The following VPS13B variants were observed in gnomAD, a reference collection of about 807,000 sequenced individuals.
VPS13B encodes the protein intermembrane lipid transfer protein VPS13B.
VPS13B carries 285 observed loss-of-function variants against 426.4 expected under a neutral mutation model. The ratio of observed to expected loss-of-function variants is 0.67; its 90% CI spans 0.61 to 0.74. VPS13B has a LOEUF of 0.74. Among genes scored for constraint, VPS13B ranks in the 30% least tolerant of loss-of-function variants. VPS13B has a pLI of 0.00. For synonymous variants in VPS13B, 1,676 were observed against 1,676.4 expected, an observed-to-expected ratio of 1.00 and a Z score of 0.01; for missense variants, 4,537 against 4,782.6, an observed-to-expected ratio of 0.95 and a Z score of 1.51.
chr8:99,682,678 CTG>C (rs1015360107), intron 35 of VPS13B, among the ~76,000 whole-genome samples: 28 of 152,328 alleles, frequency 1.8e-4, no homozygotes, highest in Admixed American at 1.7e-3. Flanking sequence ...GTGGTGGCCA[CTG>C]TGCTGAGTCA....
At chr8:99,672,571 A>G (rs1364513613) in intron 35 of VPS13B, among the ~76,000 whole-genome samples, 1 of 152,126 alleles carries the variant, frequency 6.6e-6, no homozygotes, top group Non-Finnish European at 1.5e-5. Flanking sequence ...AAAACCTTAA[A>G]TGTTATAAGG....
At chr8:99,297,378 A>G (rs1337173419) in intron 19 of VPS13B, among the ~76,000 whole-genome samples, 2 of 150,642 alleles carry the variant, frequency 1.3e-5, no homozygotes, top group Admixed American at 6.6e-5. Context: ...TTGTAATCAC[A>G]TTTGTAACTT....
chr8:99,739,845 A>G (rs1199115696), intron 39 of VPS13B, among the ~76,000 whole-genome samples: 1 of 152,194 alleles, frequency 6.6e-6, no homozygotes, highest in Non-Finnish European at 1.5e-5. Context: ...CAAAGACCAA[A>G]GGTAGATAAA....
At chr8:99,733,113 A>G (rs188509879) in intron 39 of VPS13B, among the ~76,000 whole-genome samples, 1 of 152,348 alleles carries the variant, frequency 6.6e-6, no homozygotes, top group Non-Finnish European at 1.5e-5. Context: ...AGAATAGTAA[A>G]TATGAATTGA....
chr8:99,284,234 TTG>T (rs1819315506), intron 19 of VPS13B, among the ~76,000 whole-genome samples: 1 of 152,188 alleles, frequency 6.6e-6, no homozygotes, highest in Non-Finnish European at 1.5e-5. Context: ...TGAAATTACT[TTG>T]TGTTAGTTGA....
At chr8:99,270,074 C>A (rs1320726847) in intron 17 of VPS13B, among the ~76,000 whole-genome samples, 1 of 130,608 alleles carries the variant, frequency 7.7e-6, no homozygotes, top group Non-Finnish European at 1.6e-5. Context: ...AAACTGTATT[C>A]TTGATTGTAG....
At chr8:99,508,719 T>A (rs1045818991) in intron 28 of VPS13B, among the ~76,000 whole-genome samples, 8 of 152,122 alleles carry the variant, frequency 5.3e-5, no homozygotes, top group Non-Finnish European at 7.4e-5. Flanking sequence ...TTATCGTTAA[T>A]GTTCTTCAGA....
At chr8:99,306,643 T>G (rs1365187626) in intron 19 of VPS13B, among the ~76,000 whole-genome samples, 2 of 152,128 alleles carry the variant, frequency 1.3e-5, no homozygotes, top group African/African-American at 4.8e-5. Context: ...TCTGTGCTAT[T>G]GGTGGAACAA....
chr8:99,412,503 A>G (rs112143090), intron 21 of VPS13B, among the ~76,000 whole-genome samples: 1 of 152,318 alleles, frequency 6.6e-6, no homozygotes. Flanking sequence ...ATATACAATC[A>G]TGTCATCTGC....
chr8:99,764,067 A>G (rs1811080049), intron 39 of VPS13B, among the ~76,000 whole-genome samples: 1 of 152,140 alleles, frequency 6.6e-6, no homozygotes, highest in African/African-American at 2.4e-5. Context: ...TTGAGATCCC[A>G]TTTTGTCCTC....
intron 1 of VPS13B, 146 bp downstream of exon 1, chr8:99,013,493 G>T: frequency 2.4e-6 from 1 of 419,876 alleles, no homozygotes; most frequent in Non-Finnish European, 4.4e-6. Context: ...GCGGCCGAAG[G>T]GGAGCCCGCC....
chr8:99,576,164 A>G (rs1190175433), intron 32 of VPS13B, among the ~76,000 whole-genome samples: 3 of 152,110 alleles, frequency 2.0e-5, no homozygotes, highest in African/African-American at 7.2e-5. Flanking sequence ...AGAAATAATT[A>G]TAAGAGGAAT....
chr8:99,341,177 TG>T, intron 19 of VPS13B: 1 of 232,354 alleles, frequency 4.3e-6, no homozygotes, highest in Non-Finnish European at 8.8e-6. Context: ...CATAGTGTGG[TG>T]GTGGCAAGGC....
At chr8:99,400,144 T>A (rs1814955958) in intron 21 of VPS13B, among the ~76,000 whole-genome samples, 1 of 152,234 alleles carries the variant, frequency 6.6e-6, no homozygotes, top group Admixed American at 6.5e-5. Context: ...AGGTAAATTA[T>A]GTTGAAAAAT....
At position 99,375,271 on chromosome 8, in the gene VPS13B, T is replaced by TA. The variant is rs1315480969; in HGVS notation, c.2825-8936dup. Among the ~76,000 whole-genome samples, 3 of 152,356 alleles carry TA rather than the reference T, an allele frequency of 2.0e-5. No homozygotes were observed. The East Asian group carries it at 5.8e-4, about 29-fold the overall frequency. ...CTCCTTATCCTACTCTGCCAAGAAT[T>TA]ATAGCCACTATTCATTTCTTCTCTC... On this transcript the variant is annotated intron_variant, in intron 19 of 61. Coordinates refer to ENST00000357162, the MANE Select transcript of VPS13B (RefSeq NM_152564.5).
chr8:99,572,217 G>A (rs535286852), intron 31 of VPS13B, among the ~76,000 whole-genome samples: 17 of 152,222 alleles, frequency 1.1e-4, no homozygotes, highest in East Asian at 5.8e-4. Flanking sequence ...AAGAATATAC[G>A]CAGTGGACTT....
rs572478630 is a variant in VPS13B at position 99,541,095 on chromosome 8, A to G, written c.4746-15355A>G. On this transcript the variant is annotated intron_variant, in intron 30 of 61. Coordinates refer to ENST00000357162, the MANE Select transcript of VPS13B (RefSeq NM_152564.5). ...AGCTTAGAAAATCTCTAGGGGTAAT[A>G]TATTTATACCCTATATACTGTATTT... Among the ~76,000 whole-genome samples, 8 of 152,264 alleles carry G rather than the reference A, an allele frequency of 5.3e-5. No individual in the cohort carries two copies. In the East Asian group the frequency reaches 1.3e-3, roughly 26 times the overall value.
At chr8:99,071,502 A>G (rs1055302198) in intron 3 of VPS13B, among the ~76,000 whole-genome samples, 2 of 152,150 alleles carry the variant, frequency 1.3e-5, no homozygotes, top group African/African-American at 2.4e-5. Context: ...CACCACCACT[A>G]TGACTCGTTG....
chr8:99,244,350 C>T (rs1817089731), intron 17 of VPS13B, among the ~76,000 whole-genome samples: 1 of 152,134 alleles, frequency 6.6e-6, no homozygotes, highest in Non-Finnish European at 1.5e-5. Flanking sequence ...AAGCAATGAA[C>T]CCTGAACAGT....
Sources: gnomAD v4.1 joint callset for allele counts (sites outside exome capture counted in the v4.1 genomes callset) on GRCh38, gnomAD v4.1.1 for gene constraint, MANE v1.5 for transcripts, NCBI Gene and HGNC (gene_info 2026-07-23, HGNC 2026-07-21) for gene names.